The following SH3KBP1 variants were observed in gnomAD, a reference collection of about 807,000 sequenced individuals.
SH3KBP1 encodes SH3 domain-containing kinase-binding protein 1.
A neutral mutation model predicts 50.1 loss-of-function variants in SH3KBP1; 8 were observed. The observed-to-expected ratio is 0.16, with a 90% confidence interval of 0.09 to 0.29. The LOEUF (loss-of-function observed/expected upper bound fraction) is 0.29, where lower values mean the gene tolerates loss of function less well. Among genes scored for constraint, SH3KBP1 ranks in the 10% least tolerant of loss-of-function variants. The pLI, the probability that SH3KBP1 is intolerant of heterozygous loss-of-function variation, is 1.00. For missense variants in SH3KBP1, 377 were observed against 535.2 expected (o/e 0.70, Z 2.92); for synonymous variants, 227 against 218.6 (o/e 1.04, Z -0.34).
At chrX:19,681,401 G>A (rs866718889) in intron 6 of SH3KBP1, among the ~76,000 whole-genome samples, 36 of 112,628 alleles carry the variant, frequency 3.2e-4, no homozygotes, top group Middle Eastern at 9.2e-3. Context: ...TCTCTAAAGT[G>A]CAGCATTTAT....
At chrX:19,717,516 C>A (rs770471905) in intron 3 of SH3KBP1, among the ~76,000 whole-genome samples, 2 of 111,800 alleles carry the variant, frequency 1.8e-5, no homozygotes, top group East Asian at 5.6e-4. Context: ...TGCAGTGAGC[C>A]ATGATTGTGC....
chrX:19,726,654 A>G (rs1449853933), intron 3 of SH3KBP1, among the ~76,000 whole-genome samples: 1 of 105,054 alleles, frequency 9.5e-6, no homozygotes, highest in African/African-American at 3.5e-5. Context: ...TTGTAGCAAT[A>G]GATAACTGAT....
chrX:19,813,413 T>C (rs188457829), intron 2 of SH3KBP1, among the ~76,000 whole-genome samples: 32 of 110,050 alleles, frequency 2.9e-4, no homozygotes, highest in Admixed American at 2.6e-3. Flanking sequence ...ATCTGACATA[T>C]ATATACACCG....
intron 6 of SH3KBP1, among the ~76,000 whole-genome samples, chrX:19,647,767 C>T (rs1056883344): frequency 9.0e-6 from 1 of 111,209 alleles, no homozygotes; most frequent in Non-Finnish European, 1.9e-5. Flanking sequence ...AGGACCCAGA[C>T]CTAGAGAAGT....
At position 19,738,565 on chromosome X, in the gene SH3KBP1, C is replaced by T. The variant is rs767267627; in HGVS notation, c.286+7753G>A. Reference sequence around the variant, plus strand: ...TCAGAGCCTAGTGTACTGTGTGGAGCTTGCACAGTTCCAGCATTCTATACT... The same window carrying T: ...TCAGAGCCTAGTGTACTGTGTGGAGTTTGCACAGTTCCAGCATTCTATACT... On this transcript the variant is annotated intron_variant, in intron 3 of 17. Coordinates refer to ENST00000397821, the MANE Select transcript of SH3KBP1 (RefSeq NM_031892.3). Among the ~76,000 whole-genome samples the T allele has an allele frequency of 1.0e-4, 11 of 109,639 alleles. No homozygotes were observed. In the South Asian group the frequency reaches 4.4e-3, roughly 44 times the overall value.
rs1602373415 is a variant in SH3KBP1, at chrX:19,534,146, C to A, written c.*2271G>T. ...TTTTTTCAAAAGTGATACTTCCAAGCTTTTCAACATTCTCGATGGGTCCAT... is the reference window on the plus strand; with the variant it reads ...TTTTTTCAAAAGTGATACTTCCAAGATTTTCAACATTCTCGATGGGTCCAT... On this transcript the variant is annotated 3_prime_UTR_variant, in exon 18 of 18. Coordinates refer to ENST00000397821, the MANE Select transcript of SH3KBP1 (RefSeq NM_031892.3). 9.2e-6 allele frequency: 1 copy of A among 109,246 alleles called. No individual in the cohort carries two copies. Among genetic ancestry groups the A allele is most frequent in the African/African-American group, 3.3e-5 (1 of 29,982 alleles). 9.0% of individuals were successfully genotyped at this position (109,246 alleles called of 1,213,427 possible).
chrX:19,679,227 T>C (rs2062992713), intron 6 of SH3KBP1, among the ~76,000 whole-genome samples: 1 of 111,652 alleles, frequency 9.0e-6, no homozygotes, highest in Non-Finnish European at 1.9e-5. Flanking sequence ...TATACTCTAT[T>C]ATTATTGTTT....
chrX:19,682,906 A>G lies in SH3KBP1; in HGVS notation c.726+917T>C, dbSNP rs1243424991. Among the ~76,000 whole-genome samples, 10 of 108,634 alleles carry G rather than the reference A, an allele frequency of 9.2e-5. No homozygotes were observed. The East Asian group carries it at 1.1e-3, about 12-fold the overall frequency. The allele number at this position is 108,634 out of a possible 115,157, so 94.3% of individuals were successfully genotyped here. A position where few individuals can be genotyped will look rare whatever the true frequency, so the allele number is the denominator to read the frequency against. ...AATGTTATCCCACCAAAAAAAAAAAAAAAGAAAGAAAAAAAAACAACAACA... is the reference window on the plus strand; with the variant it reads ...AATGTTATCCCACCAAAAAAAAAAAGAAAGAAAGAAAAAAAAACAACAACA... On this transcript the variant is annotated intron_variant, in intron 6 of 17. Coordinates refer to ENST00000397821, the MANE Select transcript of SH3KBP1 (RefSeq NM_031892.3).
intron 3 of SH3KBP1, among the ~76,000 whole-genome samples, chrX:19,731,480 T>C (rs923122698): frequency 9.0e-6 from 1 of 111,426 alleles, no homozygotes; most frequent in South Asian, 3.7e-4. Flanking sequence ...TCTGAAACTA[T>C]TTCACCTTCT....
chrX:19,554,377 A>ATATATATCATATTAAAATATAATATATAT (rs1555983584), intron 13 of SH3KBP1, among the ~76,000 whole-genome samples: 17,716 of 89,623 alleles, frequency 0.2, 2,278 homozygotes, highest in African/African-American at 0.42. Flanking sequence ...TTAAAATATA[A>ATATATATCATATTAAAATATAATATATAT]TATATATCAT....
At chrX:19,541,493 A>G (rs867452669) in intron 16 of SH3KBP1, among the ~76,000 whole-genome samples, 14 of 112,124 alleles carry the variant, frequency 1.2e-4, no homozygotes, top group Admixed American at 4.7e-4. Flanking sequence ...TGGTACCTCA[A>G]TGCAGGCCAA....
chrX:19,536,271 G>A lies in SH3KBP1; in HGVS notation c.*146C>T, dbSNP rs1250465640. 4.9e-6 allele frequency: 2 copies of A among 406,261 alleles called. No homozygotes were observed. The highest frequency in any genetic ancestry group is 8.7e-6 in the Non-Finnish European group (2 of 229,744). 33.5% of individuals were successfully genotyped at this position (406,261 alleles called of 1,213,427 possible). On this transcript the variant is annotated 3_prime_UTR_variant, in exon 18 of 18. Coordinates refer to ENST00000397821, the MANE Select transcript of SH3KBP1 (RefSeq NM_031892.3). ...TCCTCTTGGATGGAATTTGTGTTGT[G>A]CTATCAAGACTTTTGTGCTAATCTT... is the stretch of plus-strand genomic sequence containing the variant.
chrX:19,776,538 T>G (rs867819637), intron 2 of SH3KBP1, among the ~76,000 whole-genome samples: 5 of 78,214 alleles, frequency 6.4e-5, no homozygotes, highest in African/African-American at 1.5e-4. Context: ...CCTGGTTTTT[T>G]TTTTTTTTTT....
chrX:19,748,267 C>T (rs2064974925), intron 2 of SH3KBP1, among the ~76,000 whole-genome samples: 1 of 111,795 alleles, frequency 8.9e-6, no homozygotes, highest in Admixed American at 9.4e-5. Context: ...GGGTTGAGGA[C>T]GACATAGCAA....
intron 13 of SH3KBP1, among the ~76,000 whole-genome samples, chrX:19,554,216 T>TATATCATATTAAAATATAA (rs1415975343): frequency 1.3e-5 from 1 of 77,780 alleles, no homozygotes; most frequent in African/African-American, 5.8e-5. Context: ...AAATATAATA[T>TATATCATATTAAAATATAA]TATATATCAT....
At chrX:19,553,982 T>TAATATATAATATATATTAA (rs2065340950) in intron 13 of SH3KBP1, among the ~76,000 whole-genome samples, 8 of 69,069 alleles carry the variant, frequency 1.2e-4, no homozygotes, top group African/African-American at 5.6e-4. Flanking sequence ...TATTAAAATA[T>TAATATATAATATATATTAA]AATATATAAT....
In SH3KBP1 at chrX:19,746,325, A is replaced by G. The variant is rs1477240546; in HGVS notation, c.279T>C (p.Asn93=). 8.3e-7 allele frequency: 1 copy of G among 1,210,254 alleles called. No homozygotes were observed. The highest frequency in any genetic ancestry group is 1.8e-5 in the South Asian group (1 of 56,549). ...CTTTTTCCTTTTCCATACCTCTCTT[A>G]TTGGTTCTTAAAATCGTTTCAGAAG... ...LLSSETILRT[N]KRGERRRRRC... The change falls in exon 3 of 18, where the codon AAT becomes AAC. Residue 93 remains asparagine (N), a synonymous_variant. Transcript: ENST00000397821.
chrX:19,762,605 T>C (rs1227479376), intron 2 of SH3KBP1, among the ~76,000 whole-genome samples: 1 of 111,445 alleles, frequency 9.0e-6, no homozygotes, highest in Non-Finnish European at 1.9e-5. Context: ...AAATTATCTT[T>C]AAAAATTCCA....
At chrX:19,812,949 T>C (rs2147290503) in intron 2 of SH3KBP1, among the ~76,000 whole-genome samples, 1 of 110,407 alleles carries the variant, frequency 9.1e-6, no homozygotes, top group African/African-American at 3.3e-5. Context: ...CACTCCAGCC[T>C]GGGTGAAAGA....
Sources: gnomAD v4.1 joint callset for allele counts (sites outside exome capture counted in the v4.1 genomes callset) on GRCh38, gnomAD v4.1.1 for gene constraint, MANE v1.5 for transcripts, NCBI Gene and HGNC (gene_info 2026-07-23, HGNC 2026-07-21) for gene names.